Variants in UFD1 observed in about 807,000 individuals in gnomAD.
UFD1 encodes ubiquitin recognition factor in ER associated degradation 1.
Under a neutral mutation model 45.9 loss-of-function variants are expected in UFD1, and 13 were observed. The observed-to-expected ratio is 0.28, with a 90% CI of 0.18 to 0.45. The LOEUF (loss-of-function observed/expected upper bound fraction) is 0.45. Among genes scored for constraint, UFD1 ranks in the 20% least tolerant of loss-of-function variants. The pLI, the probability that UFD1 is intolerant of heterozygous loss-of-function variation, is 1.00. For synonymous variants in UFD1, 128 were observed against 139.2 expected (o/e 0.92, Z 0.56); for missense variants, 218 against 389.2 (o/e 0.56, Z 3.70).
intron 6 of UFD1, among the ~76,000 whole-genome samples, chr22:19,463,742 A>G (rs5746741): frequency 0.05 from 7,607 of 152,292 alleles, 289 homozygotes; most frequent in East Asian, 0.12. Flanking sequence ...CCCAGCTTAG[A>G]GTGTTTAAAA....
intron 3 of UFD1, among the ~76,000 whole-genome samples, chr22:19,474,500 T>C (rs1411141778): frequency 6.6e-6 from 1 of 152,042 alleles, no homozygotes; most frequent in African/African-American, 2.4e-5. Context: ...GAGCCAAGAT[T>C]GCGCCACTGC....
intron 4 of UFD1, among the ~76,000 whole-genome samples, chr22:19,470,374 C>A (rs2089835147): frequency 6.6e-6 from 1 of 152,110 alleles, no homozygotes; most frequent in African/African-American, 2.4e-5. Flanking sequence ...GATGCCACTA[C>A]CATGGCAGCA....
rs1054051148 is a variant in UFD1 at position 19,458,018 on chromosome 22, A to G, written c.564+53T>C. 2.5e-6 allele frequency: 4 copies of G among 1,604,386 alleles called. No individual in the cohort carries two copies. The African/African-American group carries it at 5.4e-5, about 21-fold the overall frequency. Reference sequence around the variant, plus strand: ...ACACCCTGGCCTGCAGTGGTCACCAACTGCCCATCCTCCCAGGGCCCAGGC... The same window carrying G: ...ACACCCTGGCCTGCAGTGGTCACCAGCTGCCCATCCTCCCAGGGCCCAGGC... On this transcript the variant is annotated intron_variant, in intron 7 of 11. Transcript: ENST00000263202.
chr22:19,472,228 G>A (rs755141036), intron 3 of UFD1, among the ~76,000 whole-genome samples: 2 of 152,206 alleles, frequency 1.3e-5, no homozygotes, highest in Non-Finnish European at 2.9e-5. Flanking sequence ...GGCTCCTAGA[G>A]GCCGAGTTCT....
At chr22:19,467,647 C>G (rs557785157) in intron 5 of UFD1, 1 of 595,076 alleles carries the variant, frequency 1.7e-6, no homozygotes, top group African/African-American at 1.9e-5. Flanking sequence ...ATTGTGGTCT[C>G]CATGAAGTGT....
At chr22:19,458,250 C>T (rs1228811615) in intron 6 of UFD1, 111 bp from the exon 7 acceptor site, 2 of 1,116,044 alleles carry the variant, frequency 1.8e-6, no homozygotes, top group South Asian at 1.3e-5. Flanking sequence ...AGCATTCATG[C>T]CCATGACACA....
At position 19,479,128 on chromosome 22, in the gene UFD1, A is replaced by C; in HGVS notation, c.-43T>G. ...AGACTCCGCTCCTCTCAGGCAATGC[A>C]ACGAAGAAACCCCGCCGACCGCTCT... On this transcript the variant is annotated 5_prime_UTR_variant, in exon 1 of 12. Coordinates refer to ENST00000263202, the MANE Select transcript of UFD1 (RefSeq NM_005659.7). 1.2e-6 allele frequency: 2 copies of C among 1,607,790 alleles called. No homozygotes were observed. The highest frequency in any genetic ancestry group is 1.1e-5 in the South Asian group (1 of 90,368).
chr22:19,471,541 C>A, intron 4 of UFD1, 146 bp downstream of exon 4: 1 of 1,222,656 alleles, frequency 8.2e-7, no homozygotes, highest in East Asian at 2.4e-5. Flanking sequence ...GCTCTGGATC[C>A]CTTCTCTCTC....
In UFD1 at chr22:19,475,622, A is replaced by G; in HGVS notation, c.4-20T>C. 6.2e-7 allele frequency: 1 copy of G among 1,613,892 alleles called. No individual in the cohort carries two copies. Reference sequence around the variant, plus strand: ...AGAGAACTAGAAGGAGGAAAGAGAAACAAGTATTAAAACAAAGGTACATTT... The same window carrying G: ...AGAGAACTAGAAGGAGGAAAGAGAAGCAAGTATTAAAACAAAGGTACATTT... On this transcript the variant is annotated intron_variant, in intron 1 of 11. Coordinates refer to ENST00000263202, the MANE Select transcript of UFD1 (RefSeq NM_005659.7).
chr22:19,465,501 G>A (rs2089795752), intron 5 of UFD1: 1 of 496,908 alleles, frequency 2.0e-6, no homozygotes, highest in Non-Finnish European at 3.6e-6. Context: ...CCAAGCTGGG[G>A]GAAGGGGAAA....
intron 5 of UFD1, 43 bp downstream of exon 5, chr22:19,467,830 C>T (rs1382125635): frequency 1.9e-6 from 3 of 1,610,026 alleles, no homozygotes; most frequent in Non-Finnish European, 2.5e-6. Flanking sequence ...CGCCAGCACA[C>T]TCTCCTTTGT....
At chr22:19,475,389 C>T in intron 2 of UFD1, 81 bp downstream of exon 2, 1 of 1,564,806 alleles carries the variant, frequency 6.4e-7, no homozygotes, top group African/African-American at 1.4e-5. Context: ...CTCCCACATG[C>T]AAAGTAAGTA....
intron 3 of UFD1, 147 bp from the exon 4 acceptor site, chr22:19,471,955 G>C: frequency 8.7e-7 from 1 of 1,149,012 alleles, no homozygotes; most frequent in South Asian, 1.8e-5. Context: ...TGAGAGCACA[G>C]TGCACGGCTC....
chr22:19,466,101 C>A (rs2089799788), intron 5 of UFD1: 1 of 152,228 alleles, frequency 6.6e-6, no homozygotes, highest in African/African-American at 2.4e-5. Flanking sequence ...TATCTAGGTT[C>A]ACCTCGCTTG....
chr22:19,471,411 C>A (rs1181753621), intron 4 of UFD1: 3 of 702,548 alleles, frequency 4.3e-6, no homozygotes, highest in South Asian at 4.1e-5. Flanking sequence ...AAACGCCTCA[C>A]CCAGGAAATC....
chr22:19,467,047 T>C (rs2089807354), intron 5 of UFD1: 1 of 152,142 alleles, frequency 6.6e-6, no homozygotes. Flanking sequence ...ATGGCCCATA[T>C]GCATCCAGAG....
chr22:19,467,892 T>C lies in UFD1; in HGVS notation c.403A>G (p.Ile135Val). The C allele has an allele frequency of 6.2e-7, 1 of 1,614,206 alleles. No individual in the cohort carries two copies. Among genetic ancestry groups the C allele is most frequent in the Non-Finnish European group, 8.5e-7 (1 of 1,180,030 alleles). The change falls in exon 5 of 12, where the codon ATC (isoleucine) becomes GTC (valine). Residue 135 changes from isoleucine (I) to valine (V), a missense_variant. Ile to Val is a conservative substitution (Grantham distance 29). This residue lies in a region of UFD1 where 149 missense variants were observed against 307.5 expected (regional missense o/e 0.48). Transcript: ENST00000263202. ...AGATACACGGCTTTGGGGTTGGTGA[T>C]GTCCAGGAAGTCAGGGCTCTGAGGT... ...FQPQSPDFLD[I>V]TNPKAVLENA...
intron 7 of UFD1, 73 bp downstream of exon 7, chr22:19,457,998 C>G: frequency 1.3e-6 from 2 of 1,539,850 alleles, no homozygotes; most frequent in Non-Finnish European, 1.8e-6. Context: ...TCCTGACACC[C>G]TGGCCTGCAG....
intron 9 of UFD1, among the ~76,000 whole-genome samples, chr22:19,456,189 G>A (rs1415046285): frequency 1.3e-5 from 2 of 152,180 alleles, no homozygotes; most frequent in Admixed American, 6.5e-5. Context: ...TTCCCATGGA[G>A]CCTTGCCAGT....
Sources: gnomAD v4.1 joint callset for allele counts (sites outside exome capture counted in the v4.1 genomes callset) on GRCh38, gnomAD v4.1.1 for gene constraint, gnomAD v4.1.1 regional missense constraint, MANE v1.5 for transcripts, NCBI Gene and HGNC (gene_info 2026-07-23, HGNC 2026-07-21) for gene names.